The following ZFHX3 variants were observed in gnomAD, a reference collection of about 807,000 sequenced individuals.
The protein encoded by ZFHX3 is zinc finger homeobox 3.
ZFHX3 carries 42 observed loss-of-function variants against 279.1 expected under a neutral mutation model. The observed-to-expected ratio is 0.15, with a 90% CI of 0.12 to 0.19. The LOEUF (loss-of-function observed/expected upper bound fraction) is 0.19. Ranked by LOEUF, ZFHX3 falls within the 10% of genes least tolerant of loss-of-function variation. ZFHX3 has a pLI of 1.00. For synonymous variants in ZFHX3, 2,293 were observed against 1,957.8 expected, an observed-to-expected ratio of 1.17 and a Z score of -4.52; for missense variants, 4,981 against 4,754.0, an observed-to-expected ratio of 1.05 and a Z score of -1.40.
At chr16:73,794,924 G>A (rs1313337539) in intron 1 of ZFHX3, among the ~76,000 whole-genome samples, 4 of 152,154 alleles carry the variant, frequency 2.6e-5, no homozygotes, top group Non-Finnish European at 5.9e-5. Flanking sequence ...AGATGCCTCT[G>A]TTCATTACCA....
chr16:73,335,704 A>C (rs1292510115), intron 3 of ZFHX3, among the ~76,000 whole-genome samples: 2 of 152,174 alleles, frequency 1.3e-5, no homozygotes, highest in Admixed American at 1.3e-4. Flanking sequence ...TAGATTCAAC[A>C]TCATGAGCTT....
At chr16:73,836,068 C>A (rs957399229) in intron 1 of ZFHX3, among the ~76,000 whole-genome samples, 1 of 152,108 alleles carries the variant, frequency 6.6e-6, no homozygotes, top group African/African-American at 2.4e-5. Flanking sequence ...AGCTTTCACT[C>A]GAGGATGAGA....
upstream of ZFHX3, among the ~76,000 whole-genome samples, chr16:73,050,739 G>T (rs758651079): frequency 1.1e-4 from 17 of 152,128 alleles, no homozygotes; most frequent in Non-Finnish European, 2.2e-4. Context: ...CATTCTCATC[G>T]CTCCATCCTG....
chr16:73,806,093 G>A (rs914000625), intron 1 of ZFHX3, among the ~76,000 whole-genome samples: 3 of 152,184 alleles, frequency 2.0e-5, no homozygotes, highest in African/African-American at 7.2e-5. Flanking sequence ...GAGCAAAGGG[G>A]GAAGCCCCCT....
intron 4 of ZFHX3, among the ~76,000 whole-genome samples, chr16:73,277,387 C>T (rs1597257687): frequency 6.6e-6 from 1 of 152,312 alleles, no homozygotes; most frequent in Non-Finnish European, 1.5e-5. Context: ...CAGAGCAGGG[C>T]CAGGCTCCCT....
At chr16:73,596,282 C>CA (rs993855512) in intron 2 of ZFHX3, among the ~76,000 whole-genome samples, 1 of 152,162 alleles carries the variant, frequency 6.6e-6, no homozygotes, top group African/African-American at 2.4e-5. Flanking sequence ...CTCGGCCTCC[C>CA]AAACTGCTGG....
chr16:73,759,581 G>A (rs1015703442), intron 1 of ZFHX3, among the ~76,000 whole-genome samples: 1 of 152,170 alleles, frequency 6.6e-6, no homozygotes, highest in South Asian at 2.1e-4. Flanking sequence ...GTTAAAAAGA[G>A]GAGGCAGAAA....
Position 73,302,057 on chromosome 16 carries a change from T to TAA in ZFHX3, c.-1194+16181_-1194+16182dup, listed in dbSNP as rs201131334. On this transcript the variant is annotated intron_variant, in intron 4 of 17. Coordinates refer to the ZFHX3 transcript ENST00000641206. ...TTCCAGGTAGTGTTGACCAGGAAAA[T>TAA]AAAAAAAAAATCCCCTTTTATTAAC... Among the ~76,000 whole-genome samples, 2 of 148,516 alleles carry TAA rather than the reference T, an allele frequency of 1.3e-5. 1 individual carries two copies. Among genetic ancestry groups the TAA allele is most frequent in the Admixed American group, 1.3e-4 (2 of 14,936 alleles).
intron 1 of ZFHX3, among the ~76,000 whole-genome samples, chr16:73,027,472 T>A (rs954876242): frequency 2.6e-5 from 4 of 152,308 alleles, no homozygotes; most frequent in Middle Eastern, 6.8e-3. Context: ...AATGCCTTTT[T>A]ATGGGAATGC....
chr16:73,789,469 C>T (rs1597116581), intron 1 of ZFHX3, among the ~76,000 whole-genome samples: 1 of 152,122 alleles, frequency 6.6e-6, no homozygotes, highest in Admixed American at 6.5e-5. Context: ...CGTGAGCCAC[C>T]GTGCCCGGCT....
At chr16:73,054,371 C>T (rs1264554218) in intron 1 of ZFHX3, among the ~76,000 whole-genome samples, 5 of 151,232 alleles carry the variant, frequency 3.3e-5, no homozygotes, top group Non-Finnish European at 7.4e-5. Context: ...CCCCCACACC[C>T]GCCCCCCTAC....
At chr16:72,997,913 T>C (rs562150436) in intron 1 of ZFHX3, among the ~76,000 whole-genome samples, 2 of 150,936 alleles carry the variant, frequency 1.3e-5, no homozygotes, top group Non-Finnish European at 2.9e-5. Flanking sequence ...AAAGCCTATC[T>C]CTACAAAAAA....
chr16:73,390,412 G>A (rs916907549), intron 3 of ZFHX3, among the ~76,000 whole-genome samples: 2 of 152,076 alleles, frequency 1.3e-5, no homozygotes, highest in Non-Finnish European at 2.9e-5. Context: ...ACAGGCACAG[G>A]GTAGCCCCAT....
At position 73,034,446 on chromosome 16, in the gene ZFHX3, C is replaced by T. The variant is rs545977267; in HGVS notation, c.-50+13306G>A. On this transcript the variant is annotated intron_variant, in intron 1 of 9. Coordinates refer to ENST00000268489, the MANE Select transcript of ZFHX3 (RefSeq NM_006885.4). ...CTCCAAGCAATGCACCACACAGTCC[C>T]TGGACTAGCCAAACCGGAAGCCTGT... 2.6e-5 allele frequency among the ~76,000 whole-genome samples: 4 copies of T among 152,296 alleles called. No individual in the cohort carries two copies. In the East Asian group the frequency reaches 7.7e-4, roughly 29 times the overall value.
intron 2 of ZFHX3, among the ~76,000 whole-genome samples, chr16:73,594,970 T>C (rs1483736629): frequency 6.6e-6 from 1 of 152,148 alleles, no homozygotes; most frequent in Non-Finnish European, 1.5e-5. Flanking sequence ...ACAATTCCAT[T>C]TCTTGTCAAT....
chr16:73,655,894 C>T (rs908116628), intron 2 of ZFHX3, among the ~76,000 whole-genome samples: 1 of 152,170 alleles, frequency 6.6e-6, no homozygotes, highest in Non-Finnish European at 1.5e-5. Context: ...AATTATTGTA[C>T]ATTTGCGCCA....
chr16:73,414,378 T>C (rs1597325608), intron 3 of ZFHX3, among the ~76,000 whole-genome samples: 1 of 152,234 alleles, frequency 6.6e-6, no homozygotes, highest in African/African-American at 2.4e-5. Flanking sequence ...CACTAAGAGA[T>C]GTTTGTCCCT....
At chr16:73,380,642 G>A (rs1278291104) in intron 3 of ZFHX3, among the ~76,000 whole-genome samples, 1 of 152,038 alleles carries the variant, frequency 6.6e-6, no homozygotes, top group Non-Finnish European at 1.5e-5. Context: ...ACGAGAATGG[G>A]AAAAAATGAC....
At chr16:73,766,787 T>C (rs1184074975) in intron 1 of ZFHX3, among the ~76,000 whole-genome samples, 10 of 152,254 alleles carry the variant, frequency 6.6e-5, no homozygotes, top group Admixed American at 3.9e-4. Flanking sequence ...GTGCCCAGGT[T>C]AGCTGGCACT....
Sources: allele counts gnomAD v4.1 joint callset (sites outside exome capture counted in the v4.1 genomes callset), GRCh38; gene constraint gnomAD v4.1.1; transcripts MANE v1.5; gene names NCBI Gene and HGNC (gene_info 2026-07-23, HGNC 2026-07-21).